Variants in DNAH12 observed in about 807,000 individuals in gnomAD.
DNAH12 encodes axonemal beta dynein heavy chain 12.
A neutral mutation model predicts 371.5 loss-of-function variants in DNAH12; 285 were observed. That is an observed-to-expected ratio of 0.77 (90% CI 0.70 to 0.85). The LOEUF is 0.85. DNAH12 is among the 40% of genes least tolerant of loss of function. DNAH12 has a pLI of 0.00. For synonymous variants in DNAH12, 1,200 were observed against 1,213.0 expected (o/e 0.99, Z 0.22); for missense variants, 3,611 against 3,689.4 (o/e 0.98, Z 0.55).
rs994634636 is a variant in DNAH12, at chr3:57,375,447, C to T, written c.8683G>A (p.Ala2895Thr). The part of the protein sequence containing the change: ...KTLGDPVKIR[A>T]WNIAGLPTDT... The stretch of plus-strand genomic sequence containing the variant: ...GTTGGTAAACCAGCAATATTCCAAG[C>T]TCTAATTTTTACTGGATCACCCAGG... Residue 2895 changes from alanine (A) to threonine (T), a missense_variant, in exon 55 of 74, where the codon GCT becomes ACT. Physicochemically the swap from Ala to Thr is moderately conservative, Grantham distance 58. This residue lies in a region of DNAH12 where 2,266 missense variants were observed against 2,236.9 expected (regional missense o/e 1.01). Transcript: ENST00000495027. 8 of 152,242 alleles carry T rather than the reference C, an allele frequency of 5.3e-5. No individual in the cohort carries two copies. The highest frequency in any genetic ancestry group is 1.9e-4 in the African/African-American group (8 of 41,558). 9.4% of individuals were successfully genotyped at this position (152,242 alleles called of 1,614,324 possible).
At position 57,483,621 on chromosome 3, in the gene DNAH12, A is replaced by T. The variant is rs77801236; in HGVS notation, c.1515-110T>A. On this transcript the variant is annotated intron_variant, in intron 12 of 73. Transcript: ENST00000495027. ...AAATAAGAACTATGATATCCTAAAA[A>T]AATTGCTTGATTCACTAAGGTATCT... 4.7e-3 allele frequency: 5,939 copies of T among 1,273,394 alleles called. 210 individuals are homozygous for T. The African/African-American group carries it at 0.079, about 17-fold the overall frequency. The allele number at this position is 1,273,394 out of a possible 1,614,324, so 78.9% of individuals were successfully genotyped here. A position where few individuals can be genotyped will look rare whatever the true frequency, so the allele number is the denominator to read the frequency against.
chr3:57,314,775 A>C (rs2061651754), intron 65 of DNAH12, 144 bp from the exon 66 acceptor site: 1 of 822,626 alleles, frequency 1.2e-6, no homozygotes. Flanking sequence ...AATCCTATCT[A>C]AAATAATACT....
At chr3:57,529,093 C>T (rs1451228040) in intron 2 of DNAH12, among the ~76,000 whole-genome samples, 1 of 152,178 alleles carries the variant, frequency 6.6e-6, no homozygotes, top group Non-Finnish European at 1.5e-5. Context: ...AGCCATCGCG[C>T]CTGGCCGATG....
In DNAH12 at chr3:57,447,675, C is replaced by T. The variant is rs372936492; in HGVS notation, c.3787-986G>A. On this transcript the variant is annotated intron_variant, in intron 25 of 73. Coordinates refer to ENST00000495027, the MANE Select transcript of DNAH12 (RefSeq NM_001366028.2). Reference sequence around the variant, plus strand: ...AATGCAGTATCAGTGATAGTTCATCCATTTTATTTTATTTTTTGAGACCGG... The same window carrying T: ...AATGCAGTATCAGTGATAGTTCATCTATTTTATTTTATTTTTTGAGACCGG... Among the ~76,000 whole-genome samples the T allele has an allele frequency of 4.3e-3, 646 of 151,548 alleles. 7 individuals are homozygous for T. Among genetic ancestry groups the T allele is most frequent in the African/African-American group, 0.015 (626 of 41,374 alleles).
intron 5 of DNAH12, 93 bp from the exon 6 acceptor site, chr3:57,509,305 T>G (rs1441604894): frequency 2.6e-6 from 3 of 1,160,196 alleles, no homozygotes; most frequent in Non-Finnish European, 3.7e-6. Context: ...ATGGTATAGT[T>G]TACTGTGCAT....
chr3:57,350,789 A>G (rs2062653939), intron 60 of DNAH12, among the ~76,000 whole-genome samples: 1 of 152,250 alleles, frequency 6.6e-6, no homozygotes, highest in Non-Finnish European at 1.5e-5. Flanking sequence ...GAACTCACAC[A>G]AATCACTAAG....
In DNAH12 at chr3:57,323,660, T is replaced by G; in HGVS notation, c.9979-41A>C. On this transcript the variant is annotated intron_variant, in intron 62 of 73. Coordinates refer to ENST00000495027, the MANE Select transcript of DNAH12 (RefSeq NM_001366028.2). ...GATATGATCTTTAGAGCAACTTTTA[T>G]TTCACATAATGGATATGAATATTAT... is the stretch of plus-strand genomic sequence containing the variant. 2.0e-6 allele frequency: 3 copies of G among 1,472,730 alleles called. No individual in the cohort carries two copies. In the African/African-American group the frequency reaches 4.3e-5, roughly 21 times the overall value. The allele number at this position is 1,472,730 out of a possible 1,614,324, so 91.2% of individuals were successfully genotyped here. A position where few individuals can be genotyped will look rare whatever the true frequency, so the allele number is the denominator to read the frequency against.
chr3:57,485,740 C>T (rs529446167), intron 12 of DNAH12, among the ~76,000 whole-genome samples: 5 of 152,210 alleles, frequency 3.3e-5, no homozygotes, highest in African/African-American at 1.2e-4. Context: ...GAATGGAAAA[C>T]CAAATATCGT....
intron 70 of DNAH12, among the ~76,000 whole-genome samples, chr3:57,297,730 T>G (rs2061262638): frequency 2.0e-5 from 3 of 152,192 alleles, no homozygotes. Context: ...ATTCATGGTC[T>G]TCTTTCTGTA....
At chr3:57,441,071 AAAAC>A (rs769834229) in intron 29 of DNAH12, among the ~76,000 whole-genome samples, 1 of 152,258 alleles carries the variant, frequency 6.6e-6, no homozygotes, top group Non-Finnish European at 1.5e-5. Context: ...AACAGTAAAC[AAAAC>A]AAACTCATAG....
chr3:57,466,636 A>G (rs1205116963), intron 17 of DNAH12, among the ~76,000 whole-genome samples: 1 of 152,196 alleles, frequency 6.6e-6, no homozygotes, highest in Non-Finnish European at 1.5e-5. Flanking sequence ...TGCCACTGCC[A>G]AGTGGAGAAC....
At chr3:57,344,757 TA>T (rs1219557684) in intron 60 of DNAH12, among the ~76,000 whole-genome samples, 2 of 152,060 alleles carry the variant, frequency 1.3e-5, no homozygotes, top group Non-Finnish European at 2.9e-5. Flanking sequence ...TTCATAGAAG[TA>T]AAAAGTAGAA....
chr3:57,479,416 C>T lies in DNAH12; in HGVS notation c.1650+3960G>A, dbSNP rs1478227051. ...CCCAATACAGGAGCACCCAGATTCA[C>T]AAAGCAAGTCCTTAGAGACCTAGAA... On this transcript the variant is annotated intron_variant, in intron 13 of 73. Coordinates refer to ENST00000495027, the MANE Select transcript of DNAH12 (RefSeq NM_001366028.2). Among the ~76,000 whole-genome samples the T allele has an allele frequency of 1.8e-4, 28 of 152,226 alleles. No individual in the cohort carries two copies. In the South Asian group the frequency reaches 5.6e-3, roughly 30 times the overall value.
Position 57,293,915 on chromosome 3 carries a change from T to G in DNAH12, c.11749A>C (p.Ser3917Arg). The part of the protein sequence containing the change: ...DAYVCPLYKT[S>R]ERKGTLSTTG... ...GTGGAAAGAGTTCCTTTACGTTCAC[T>G]TGTCTTGTAGAGGGGACAGACATAG... Residue 3917 changes from serine to arginine, a missense_variant, in exon 74 of 74, where the codon AGT (serine) becomes CGT (arginine). Ser to Arg is a moderately radical substitution (Grantham distance 110, BLOSUM62 -1). Transcript: ENST00000495027. The G allele has an allele frequency of 6.5e-7, 1 of 1,540,936 alleles. No homozygotes were observed. The highest frequency in any genetic ancestry group is 8.8e-7 in the Non-Finnish European group (1 of 1,141,928).
At chr3:57,445,109 T>TC in intron 28 of DNAH12, 65 bp downstream of exon 28, 1 of 1,454,710 alleles carries the variant, frequency 6.9e-7, no homozygotes, top group Non-Finnish European at 9.1e-7. Flanking sequence ...TAGTTCCTGA[T>TC]TAACCTCACT....
At chr3:57,459,507 T>C (rs2065993654) in intron 20 of DNAH12, 85 bp downstream of exon 20, 3 of 1,258,044 alleles carry the variant, frequency 2.4e-6, no homozygotes, top group Non-Finnish European at 3.1e-6. Flanking sequence ...GTTTAATTTT[T>C]ATAATCAGAA....
intron 57 of DNAH12, among the ~76,000 whole-genome samples, 164 bp downstream of exon 57, chr3:57,366,565 T>G (rs2063056814): frequency 6.6e-6 from 1 of 152,194 alleles, no homozygotes; most frequent in African/African-American, 2.4e-5. Flanking sequence ...ACGGTTGGCT[T>G]ATAACTTACT....
intron 16 of DNAH12, 41 bp downstream of exon 16, chr3:57,470,402 T>G: frequency 6.8e-7 from 1 of 1,467,774 alleles, no homozygotes; most frequent in Non-Finnish European, 9.1e-7. Context: ...CAAATTATTT[T>G]CTATCATTTG....
In DNAH12 at chr3:57,378,033, T is replaced by C. The variant is rs976566796; in HGVS notation, c.8224-811A>G. Among the ~76,000 whole-genome samples, 7 of 152,220 alleles carry C rather than the reference T, an allele frequency of 4.6e-5. No individual in the cohort carries two copies. The East Asian group carries it at 5.8e-4, about 13-fold the overall frequency. On this transcript the variant is annotated intron_variant, in intron 52 of 73. Coordinates refer to ENST00000495027, the MANE Select transcript of DNAH12 (RefSeq NM_001366028.2). Reference sequence around the variant, plus strand: ...GACACAAAATGCCCTGCTTTCTCTCTGCTGCACTGAAATCATGAAAGAAAA... The same window carrying C: ...GACACAAAATGCCCTGCTTTCTCTCCGCTGCACTGAAATCATGAAAGAAAA...
Sources: allele counts gnomAD v4.1 joint callset (sites outside exome capture counted in the v4.1 genomes callset), GRCh38; gene constraint gnomAD v4.1.1; regional missense constraint gnomAD v4.1.1; transcripts MANE v1.5; gene names NCBI Gene and HGNC (gene_info 2026-07-23, HGNC 2026-07-21).